The following VAC14 variants were observed in gnomAD, a reference collection of about 807,000 sequenced individuals.
VAC14 encodes the protein protein VAC14 homolog.
VAC14 carries 47 observed loss-of-function variants against 85.3 expected under a neutral mutation model. That is an observed-to-expected ratio of 0.55 (90% CI 0.44 to 0.70). VAC14 has a LOEUF of 0.70. Ranked by LOEUF, VAC14 falls within the 30% of genes least tolerant of loss-of-function variation. The pLI, the probability that VAC14 is intolerant of heterozygous loss-of-function variation, is 0.00. For synonymous variants in VAC14, 447 were observed against 430.5 expected (o/e 1.04, Z -0.47); for missense variants, 861 against 1,004.3 (o/e 0.86, Z 1.93).
At chr16:70,778,686 A>C (rs1047246775) in intron 9 of VAC14, 2 of 152,220 alleles carry the variant, frequency 1.3e-5, no homozygotes, top group African/African-American at 4.8e-5. Context: ...TGTGAACTTC[A>C]AACAAACAGA....
chr16:70,781,795 C>G (rs2033824062), intron 8 of VAC14, 74 bp downstream of exon 8: 1 of 1,565,698 alleles, frequency 6.4e-7, no homozygotes, highest in South Asian at 1.2e-5. Flanking sequence ...CCCCCAGCCC[C>G]CAGTGCAGGG....
intron 14 of VAC14, among the ~76,000 whole-genome samples, chr16:70,722,407 G>A (rs2054317150): frequency 6.6e-6 from 1 of 152,248 alleles, no homozygotes. Context: ...AGAGGTGCCT[G>A]GTCTGGGCGG....
chr16:70,774,340 C>T (rs1028904251), intron 9 of VAC14, among the ~76,000 whole-genome samples: 1 of 152,122 alleles, frequency 6.6e-6, no homozygotes, highest in Non-Finnish European at 1.5e-5. Context: ...CGTTTTCTCA[C>T]GAGTAGGGAG....
chr16:70,694,541 G>A (rs999569844), intron 17 of VAC14, among the ~76,000 whole-genome samples: 3 of 152,186 alleles, frequency 2.0e-5, no homozygotes, highest in Admixed American at 6.5e-5. Context: ...TTCAGCCCCT[G>A]CATTCAATTC....
chr16:70,705,927 G>A (rs2142993950), intron 14 of VAC14, among the ~76,000 whole-genome samples: 1 of 152,348 alleles, frequency 6.6e-6, no homozygotes, highest in South Asian at 2.1e-4. Context: ...GGTACCTCCT[G>A]TTAGACTAGT....
Position 70,781,938 on chromosome 16 carries a change from T to A in VAC14, c.877A>T (p.Met293Leu), listed in dbSNP as rs993521944. ...REFIQLAGRV[M>L]LPYSSGILTA... ...AGGATCCCGGAGGAGTAAGGCAGCA[T>A]GACGCGGCCCGCCAGCTGGATGAAC... is the stretch of plus-strand genomic sequence containing the variant. Residue 293 changes from methionine to leucine, a missense_variant, in exon 8 of 19, where the codon ATG becomes TTG. By Grantham distance (15) the Met-to-Leu change is conservative. Coordinates refer to ENST00000261776, the MANE Select transcript of VAC14 (RefSeq NM_018052.5). The A allele has an allele frequency of 4.3e-6, 7 of 1,613,982 alleles. No individual in the cohort carries two copies. The highest frequency in any genetic ancestry group is 1.3e-5 in the African/African-American group (1 of 74,920).
chr16:70,774,086 T>C (rs2033390714), intron 9 of VAC14, among the ~76,000 whole-genome samples: 1 of 152,122 alleles, frequency 6.6e-6, no homozygotes, highest in South Asian at 2.1e-4. Flanking sequence ...CATAGTTCAA[T>C]GATCAAACCC....
intron 7 of VAC14, 78 bp from the exon 8 acceptor site, chr16:70,782,081 G>A: frequency 6.4e-7 from 1 of 1,551,674 alleles, no homozygotes; most frequent in Non-Finnish European, 8.7e-7. Flanking sequence ...ATACACGTGG[G>A]ATGGGGCTGG....
chr16:70,763,709 C>G (rs186549772), intron 10 of VAC14, among the ~76,000 whole-genome samples: 1 of 152,202 alleles, frequency 6.6e-6, no homozygotes, highest in Non-Finnish European at 1.5e-5. Flanking sequence ...CTATGAGAAA[C>G]GGATATTGTT....
At chr16:70,690,961 G>A in intron 18 of VAC14, 1 of 985,116 alleles carries the variant, frequency 1.0e-6, no homozygotes, top group Non-Finnish European at 1.2e-6. Context: ...AGAACCCAGA[G>A]AGGGCACTGG....
At chr16:70,789,888 C>T (rs1191932482) in intron 1 of VAC14, among the ~76,000 whole-genome samples, 1 of 152,138 alleles carries the variant, frequency 6.6e-6, no homozygotes, top group Non-Finnish European at 1.5e-5. Context: ...GGAGTGGGGA[C>T]ATCCTCGAGG....
intron 4 of VAC14, 125 bp from the exon 5 acceptor site, chr16:70,784,345 G>C: frequency 1.4e-6 from 1 of 716,572 alleles, no homozygotes; most frequent in East Asian, 2.7e-5. Flanking sequence ...CAGATCCTGA[G>C]CTAGGCATAA....
intron 10 of VAC14, among the ~76,000 whole-genome samples, chr16:70,765,761 C>G (rs950174247): frequency 6.6e-6 from 1 of 152,140 alleles, no homozygotes; most frequent in Non-Finnish European, 1.5e-5. Flanking sequence ...CAGTGTGGAC[C>G]AGCCCCTCTG....
At chr16:70,786,751 G>A (rs1334249256) in intron 1 of VAC14, among the ~76,000 whole-genome samples, 1 of 152,174 alleles carries the variant, frequency 6.6e-6, no homozygotes, top group African/African-American at 2.4e-5. Context: ...CTATTTCCAG[G>A]GACGTTGCTG....
intron 14 of VAC14, among the ~76,000 whole-genome samples, chr16:70,703,945 C>A (rs2053875754): frequency 6.6e-6 from 1 of 152,202 alleles, no homozygotes; most frequent in South Asian, 2.1e-4. Flanking sequence ...CCCCCTGCAG[C>A]CTTCTCCACT....
At chr16:70,717,935 G>T (rs1394198531) in intron 14 of VAC14, among the ~76,000 whole-genome samples, 1 of 152,202 alleles carries the variant, frequency 6.6e-6, no homozygotes, top group South Asian at 2.1e-4. Context: ...TTACTGGCAT[G>T]AGCCACCGCG....
rs182939815 is a variant in VAC14, at chr16:70,736,868, G to C, written c.1529-5241C>G. Among the ~76,000 whole-genome samples, 104 of 151,398 alleles carry C rather than the reference G, an allele frequency of 6.9e-4. 1 individual carries two copies. In the East Asian group the frequency reaches 0.018, roughly 26 times the overall value. The stretch of plus-strand genomic sequence containing the variant: ...GCAGGGCAGTCTTTTCCCAGCAGGG[G>C]AGGTGGGGAAAGGGGCCACACTTGA... On this transcript the variant is annotated intron_variant, in intron 13 of 18. Coordinates refer to ENST00000261776, the MANE Select transcript of VAC14 (RefSeq NM_018052.5).
In VAC14 at chr16:70,746,629, G is replaced by A. The variant is rs550164868; in HGVS notation, c.1372-2050C>T. On this transcript the variant is annotated intron_variant, in intron 12 of 18. Coordinates refer to ENST00000261776, the MANE Select transcript of VAC14 (RefSeq NM_018052.5). The stretch of plus-strand genomic sequence containing the variant: ...TCTCAGCCTAGAAGTAGGGAGGGCC[G>A]AGGCCTCTGCTTCCACTGAGGACAG... Among the ~76,000 whole-genome samples the A allele has an allele frequency of 2.6e-5, 4 of 152,330 alleles. No homozygotes were observed. The South Asian group carries it at 6.2e-4, about 24-fold the overall frequency.
intron 9 of VAC14, among the ~76,000 whole-genome samples, chr16:70,777,976 ATTAG>A (rs2033607152): frequency 6.6e-6 from 1 of 152,190 alleles, no homozygotes; most frequent in Admixed American, 6.5e-5. Flanking sequence ...AAGACTGGTG[ATTAG>A]TTAGTTACAA....
Sources: allele counts gnomAD v4.1 joint callset (sites outside exome capture counted in the v4.1 genomes callset), GRCh38; gene constraint gnomAD v4.1.1; transcripts MANE v1.5; gene names NCBI Gene and HGNC (gene_info 2026-07-23, HGNC 2026-07-21).